The following PRKG1 variants were observed in gnomAD, a reference collection of about 807,000 sequenced individuals.
The protein encoded by PRKG1 is protein kinase cGMP-dependent 1.
PRKG1 carries 35 observed loss-of-function variants against 88.1 expected under a neutral mutation model. That is an observed-to-expected ratio of 0.40 (90% CI 0.30 to 0.53). PRKG1 has a LOEUF of 0.53. Among genes scored for constraint, PRKG1 ranks in the 20% least tolerant of loss-of-function variants. The probability of loss-of-function intolerance (pLI) is 0.59; values close to 1 mark genes in which losing one functional copy is unlikely to be tolerated. For missense variants in PRKG1, 540 were observed against 839.8 expected (o/e 0.64, Z 4.41); for synonymous variants, 303 against 292.5 (o/e 1.04, Z -0.37).
intron 4 of PRKG1, among the ~76,000 whole-genome samples, chr10:51,813,255 T>C (rs1453630528): frequency 1.3e-5 from 2 of 152,162 alleles, no homozygotes; most frequent in African/African-American, 2.4e-5. Context: ...AAGCATAAAA[T>C]GATGTATGAC....
intron 3 of PRKG1, among the ~76,000 whole-genome samples, chr10:51,475,325 A>G (rs1362861973): frequency 6.6e-6 from 1 of 151,950 alleles, no homozygotes; most frequent in Non-Finnish European, 1.5e-5. Flanking sequence ...CTCATTAGAA[A>G]TGCAAAATCT....
intron 2 of PRKG1, among the ~76,000 whole-genome samples, chr10:51,201,642 C>T (rs530350496): frequency 4.6e-5 from 7 of 152,044 alleles, no homozygotes; most frequent in Admixed American, 1.3e-4. Flanking sequence ...TCTTTGAGAG[C>T]TAATTGGGTC....
At chr10:51,890,527 A>C (rs1841692237) in intron 4 of PRKG1, among the ~76,000 whole-genome samples, 1 of 152,266 alleles carries the variant, frequency 6.6e-6, no homozygotes, top group Admixed American at 6.5e-5. Flanking sequence ...AAATTGCCTG[A>C]AAATTAGTAC....
chr10:52,195,152 A>G lies in PRKG1; in HGVS notation c.1076+33189A>G, dbSNP rs201540534. The stretch of plus-strand genomic sequence containing the variant: ...CTCCTATATAAATGAAAATGGAAAG[A>G]GAGATGTATGCAAAATGGAATGTCC... On this transcript the variant is annotated intron_variant, in intron 9 of 17. Transcript: ENST00000373980. Among the ~76,000 whole-genome samples the G allele has an allele frequency of 2.4e-4, 37 of 152,308 alleles. No homozygotes were observed. In the East Asian group the frequency reaches 6.6e-3, roughly 27 times the overall value.
At chr10:51,556,115 C>T (rs1837303301) in intron 3 of PRKG1, among the ~76,000 whole-genome samples, 1 of 151,990 alleles carries the variant, frequency 6.6e-6, no homozygotes, top group African/African-American at 2.4e-5. Flanking sequence ...TAACCCTGGA[C>T]ATATTCTAGG....
chr10:51,905,277 T>C (rs1842061920), intron 4 of PRKG1, among the ~76,000 whole-genome samples: 1 of 152,160 alleles, frequency 6.6e-6, no homozygotes, highest in Non-Finnish European at 1.5e-5. Context: ...CAACAGATGG[T>C]CCTGGGTGAA....
Position 52,133,842 on chromosome 10 carries a change from A to G in PRKG1, c.938A>G (p.Glu313Gly). 6.2e-7 allele frequency: 1 copy of G among 1,611,818 alleles called. No individual in the cohort carries two copies. The highest frequency in any genetic ancestry group is 8.5e-7 in the Non-Finnish European group (1 of 1,178,284). The change falls in exon 8 of 18, where the codon GAA becomes GGA. Residue 313 changes from glutamate to glycine, a missense_variant and splice_region_variant. By Grantham distance (98) the Glu-to-Gly change is moderately conservative. Coordinates refer to ENST00000373980, the MANE Select transcript of PRKG1 (RefSeq NM_006258.4). ...DWFGEKALQGEDVRTANVIAA... is the reference protein window; with the variant it reads ...DWFGEKALQGGDVRTANVIAA... ...GAATGTCTCTATTTTTCACATAGGG[A>G]AGATGTGAGAACAGCAAACGTAATT...
intron 8 of PRKG1, among the ~76,000 whole-genome samples, chr10:52,141,991 G>C (rs1349283336): frequency 3.9e-5 from 6 of 152,080 alleles, no homozygotes; most frequent in Admixed American, 3.9e-4. Flanking sequence ...TGAAGAATTT[G>C]AGTCCCAGAA....
At position 51,370,817 on chromosome 10, in the gene PRKG1, T is replaced by G. The variant is rs1280493710; in HGVS notation, c.479-96906T>G. 2.0e-5 allele frequency among the ~76,000 whole-genome samples: 3 copies of G among 151,986 alleles called. No individual in the cohort carries two copies. The East Asian group carries it at 5.8e-4, about 29-fold the overall frequency. On this transcript the variant is annotated intron_variant, in intron 2 of 17. Coordinates refer to ENST00000373980, the MANE Select transcript of PRKG1 (RefSeq NM_006258.4). ...TTTTTTTCACATTAAGTCTTAGAAA[T>G]CCTATGTCAATTTATGCCCAAAGCC...
chr10:51,966,884 G>A (rs1267314189), intron 5 of PRKG1, among the ~76,000 whole-genome samples: 1 of 151,790 alleles, frequency 6.6e-6, no homozygotes, highest in Admixed American at 6.6e-5. Context: ...CAGTTAGAAT[G>A]GCAATCATTA....
chr10:52,207,270 T>G (rs1839844588), intron 9 of PRKG1, among the ~76,000 whole-genome samples: 1 of 151,922 alleles, frequency 6.6e-6, no homozygotes, highest in Non-Finnish European at 1.5e-5. Flanking sequence ...AGAGGCTGTA[T>G]GCAGGCTAGT....
chr10:52,088,437 T>G (rs1846970791), intron 7 of PRKG1, among the ~76,000 whole-genome samples: 1 of 152,080 alleles, frequency 6.6e-6, no homozygotes, highest in South Asian at 2.1e-4. Flanking sequence ...TTGTGTCCTC[T>G]TCAAAATCCA....
At chr10:52,270,574 C>T (rs910622075) in intron 10 of PRKG1, among the ~76,000 whole-genome samples, 2 of 151,958 alleles carry the variant, frequency 1.3e-5, no homozygotes, top group Non-Finnish European at 2.9e-5. Flanking sequence ...TTTGCAGGGA[C>T]ATGGATGAAG....
At chr10:52,022,621 C>A (rs560519751) in intron 5 of PRKG1, among the ~76,000 whole-genome samples, 57 of 152,178 alleles carry the variant, frequency 3.7e-4, no homozygotes, top group African/African-American at 1.3e-3. Context: ...GAAAGAATAT[C>A]TGAACATACT....
At chr10:51,424,274 A>G (rs916079346) in intron 2 of PRKG1, among the ~76,000 whole-genome samples, 1 of 152,116 alleles carries the variant, frequency 6.6e-6, no homozygotes, top group Non-Finnish European at 1.5e-5. Context: ...ATTTATATAT[A>G]CATGGATATC....
intron 5 of PRKG1, among the ~76,000 whole-genome samples, chr10:52,051,058 C>T (rs1256331258): frequency 1.3e-5 from 2 of 152,206 alleles, no homozygotes; most frequent in Admixed American, 6.5e-5. Flanking sequence ...CATCTCCCTA[C>T]AATAAGAACG....
At chr10:51,627,416 T>C (rs1839365798) in intron 3 of PRKG1, among the ~76,000 whole-genome samples, 1 of 152,166 alleles carries the variant, frequency 6.6e-6, no homozygotes, top group Non-Finnish European at 1.5e-5. Flanking sequence ...CAGGTTTCTT[T>C]AGTGGTGAAA....
chr10:52,107,388 TA>T (rs1306171420), intron 7 of PRKG1, among the ~76,000 whole-genome samples: 1 of 152,150 alleles, frequency 6.6e-6, no homozygotes, highest in African/African-American at 2.4e-5. Flanking sequence ...AAATGTATAA[TA>T]AAATCTAAAT....
chr10:51,281,679 C>A (rs1049266728), intron 2 of PRKG1, among the ~76,000 whole-genome samples: 2 of 152,114 alleles, frequency 1.3e-5, no homozygotes, highest in Non-Finnish European at 2.9e-5. Flanking sequence ...CTTAAGTGTC[C>A]CTGTCTGTTA....
Sources: allele counts gnomAD v4.1 joint callset (sites outside exome capture counted in the v4.1 genomes callset), GRCh38; gene constraint gnomAD v4.1.1; transcripts MANE v1.5; gene names NCBI Gene and HGNC (gene_info 2026-07-23, HGNC 2026-07-21).